ZNF862: variants seen among roughly 807,000 people sequenced by gnomAD.
The protein encoded by ZNF862 is zinc finger protein 862.
ZNF862 carries 64 observed loss-of-function variants against 91.1 expected under a neutral mutation model. The observed-to-expected ratio is 0.70, with a 90% CI of 0.57 to 0.87. The LOEUF (loss-of-function observed/expected upper bound fraction) is 0.87, where lower values mean the gene tolerates loss of function less well. Ranked by LOEUF, ZNF862 falls within the 40% of genes least tolerant of loss-of-function variation. The probability of loss-of-function intolerance (pLI) is 0.00; values close to 1 mark genes in which losing one functional copy is unlikely to be tolerated. For synonymous variants in ZNF862, 631 were observed against 618.1 expected, an observed-to-expected ratio of 1.02 and a Z score of -0.31; for missense variants, 1,459 against 1,528.0, an observed-to-expected ratio of 0.95 and a Z score of 0.75.
intron 3 of ZNF862, 67 bp from the exon 4 acceptor site, chr7:149,847,668 C>A: frequency 9.1e-7 from 1 of 1,098,978 alleles, no homozygotes; most frequent in South Asian, 1.6e-5. Context: ...ACCTCAGAGC[C>A]CCTGTGAGTT....
chr7:149,844,627 T>C lies in ZNF862; in HGVS notation c.27T>C (p.Ala9=). 6.3e-7 allele frequency: 1 copy of C among 1,593,144 alleles called. No homozygotes were observed. Among genetic ancestry groups the C allele is most frequent in the Non-Finnish European group, 8.6e-7 (1 of 1,168,544 alleles). Residue 9 remains alanine, a splice_region_variant and synonymous_variant, in exon 2 of 8, where the codon GCT becomes GCC. Transcript: ENST00000223210. The part of the protein sequence containing the change: MEPRESGK[A]PVTFDDITVY... ...AGCAGCTGTCATTTTCCTTTCAGGC[T>C]CCTGTGACGTTTGATGACATCACTG... is the stretch of plus-strand genomic sequence containing the variant.
In ZNF862 at chr7:149,859,362, G is replaced by C. The variant is rs1802372518; in HGVS notation, c.1118-60G>C. On this transcript the variant is annotated intron_variant, in intron 5 of 7. Transcript: ENST00000223210. ...ACTTCAGGGACTGGGTCTAGCTTGA[G>C]GGGGCTACTCGATTTGGCCACAGCA... 4 of 1,399,666 alleles carry C rather than the reference G, an allele frequency of 2.9e-6. No homozygotes were observed. The South Asian group carries it at 4.9e-5, about 17-fold the overall frequency. 86.7% of individuals were successfully genotyped at this position (1,399,666 alleles called of 1,614,324 possible). A position where few individuals can be genotyped will look rare whatever the true frequency, so the allele number is the denominator to read the frequency against.
At chr7:149,854,780 C>T (rs1006870937) in intron 5 of ZNF862, among the ~76,000 whole-genome samples, 1 of 152,236 alleles carries the variant, frequency 6.6e-6, no homozygotes, top group South Asian at 2.1e-4. Flanking sequence ...CCTGTGGCCC[C>T]CTCCGTGCTC....
chr7:149,847,469 C>G (rs1365771006), intron 3 of ZNF862, among the ~76,000 whole-genome samples: 1 of 152,186 alleles, frequency 6.6e-6, no homozygotes, highest in East Asian at 1.9e-4. Context: ...CCGGTTGTAT[C>G]TGTCCTTTAA....
In ZNF862 at chr7:149,844,919, T is replaced by C. The variant is rs189967573; in HGVS notation, c.136+183T>C. On this transcript the variant is annotated intron_variant, in intron 2 of 7. Transcript: ENST00000223210. The stretch of plus-strand genomic sequence containing the variant: ...GCATGCAAATTCACACATCACCCTT[T>C]CTCTTCTCCCCTTAAAATGGTCAAG... The C allele has an allele frequency of 3.0e-4, 168 of 558,992 alleles. 1 individual carries two copies. The highest frequency in any genetic ancestry group is 2.9e-3 in the African/African-American group (151 of 52,390). 34.6% of individuals were successfully genotyped at this position (558,992 alleles called of 1,614,324 possible).
At position 149,859,194 on chromosome 7, in the gene ZNF862, G is replaced by A. The variant is rs1011412939; in HGVS notation, c.1118-228G>A. 8 of 579,050 alleles carry A rather than the reference G, an allele frequency of 1.4e-5. No individual in the cohort carries two copies. The Admixed American group carries it at 1.8e-4, about 13-fold the overall frequency. 35.9% of individuals were successfully genotyped at this position (579,050 alleles called of 1,614,324 possible). On this transcript the variant is annotated intron_variant, in intron 5 of 7. Transcript: ENST00000223210. Reference sequence around the variant, plus strand: ...CACCCTTCCCCCTCTGGTGTGTATGGCTGGCCCATGGATCTGAGGAAGCCC... The same window carrying A: ...CACCCTTCCCCCTCTGGTGTGTATGACTGGCCCATGGATCTGAGGAAGCCC...
In ZNF862 at chr7:149,860,524, G is replaced by A; in HGVS notation, c.1364G>A (p.Arg455Lys). 1 of 1,613,992 alleles carries A rather than the reference G, an allele frequency of 6.2e-7. No individual in the cohort carries two copies. The highest frequency in any genetic ancestry group is 1.3e-5 in the African/African-American group (1 of 75,030). Residue 455 changes from arginine (R) to lysine (K), a missense_variant, in exon 7 of 8, where the codon AGA becomes AAA. By Grantham distance (26) the Arg-to-Lys change is conservative. Coordinates refer to ENST00000223210, the MANE Select transcript of ZNF862 (RefSeq NM_001099220.3). ...SICEEGDGPR[R>K]IKRTYRPRSI... ...TGTGAGGAAGGAGATGGACCTAGGA[G>A]AATCAAGAGGACATACAGGCCCCGT...
chr7:149,841,538 G>C, intron 1 of ZNF862: 1 of 985,308 alleles, frequency 1.0e-6, no homozygotes, highest in East Asian at 1.1e-4. Flanking sequence ...AGCAGTTCCT[G>C]GCATTTAATA....
rs768419444 is a variant in ZNF862, at chr7:149,861,702, C to G, written c.2542C>G (p.Leu848Val). 3.0e-5 allele frequency: 48 copies of G among 1,613,096 alleles called. No homozygotes were observed. Among genetic ancestry groups the G allele is most frequent in the Non-Finnish European group, 3.9e-5 (46 of 1,179,728 alleles). The change falls in exon 7 of 8, where the codon CTG (leucine) becomes GTG (valine). Residue 848 changes from leucine to valine, a missense_variant. Leu to Val is a conservative substitution (Grantham distance 32). Transcript: ENST00000223210. This position sits in a 1 kb window ranked among gnomAD's most constrained non-coding sequence, Gnocchi z 6.7. ...GTTCTGCCACTTCCTGTTGGACTTC[C>G]TGAGCATCTACAGGCCTCTGTCCGA... ...VKFCHFLLDF[L>V]SIYRPLSEVC...
Position 149,864,247 on chromosome 7 carries a change from A to G in ZNF862, c.3473A>G (p.Tyr1158Cys), listed in dbSNP as rs976983785. ...CIMEPPERLLYPHTSQEAPGM... is the reference protein window; with the variant it reads ...CIMEPPERLLCPHTSQEAPGM... Reference sequence around the variant, plus strand: ...ATGGAGCCTCCCGAGAGACTCCTGTATCCCCACACCAGCCAGGAGGCCCCC... The same window carrying G: ...ATGGAGCCTCCCGAGAGACTCCTGTGTCCCCACACCAGCCAGGAGGCCCCC... Residue 1158 changes from tyrosine (Y) to cysteine (C), a missense_variant, in exon 8 of 8, where the codon TAT (tyrosine) becomes TGT (cysteine). Coordinates refer to ENST00000223210, the MANE Select transcript of ZNF862 (RefSeq NM_001099220.3). 3 of 1,603,532 alleles carry G rather than the reference A, an allele frequency of 1.9e-6. No individual in the cohort carries two copies. The highest frequency in any genetic ancestry group is 2.6e-6 in the Non-Finnish European group (3 of 1,175,778).
chr7:149,862,194 G>A lies in ZNF862; in HGVS notation c.3034G>A (p.Ala1012Thr), dbSNP rs370946611. 4.3e-6 allele frequency: 7 copies of A among 1,613,432 alleles called. No homozygotes were observed. Among genetic ancestry groups the A allele is most frequent in the East Asian group, 2.2e-5 (1 of 44,884 alleles). The change falls in exon 7 of 8, where the codon GCC becomes ACC. Residue 1012 changes from alanine (A) to threonine (T), a missense_variant. Ala to Thr is a moderately conservative substitution (Grantham distance 58, BLOSUM62 0). Coordinates refer to ENST00000223210, the MANE Select transcript of ZNF862 (RefSeq NM_001099220.3). ...HLPFSMLCKN[A>T]LAQHCRFPLL... ...CCCGTTCTCCATGCTCTGCAAAAAC[G>A]CCCTGGCCCAGCACTGCCGCTTCCC...
chr7:149,860,750 C>T lies in ZNF862; in HGVS notation c.1590C>T (p.Asn530=). The T allele has an allele frequency of 1.9e-6, 3 of 1,613,896 alleles. No homozygotes were observed. The highest frequency in any genetic ancestry group is 2.5e-6 in the Non-Finnish European group (3 of 1,179,890). The change falls in exon 7 of 8, where the codon AAC becomes AAT. Residue 530 remains asparagine, a synonymous_variant. Coordinates refer to ENST00000223210, the MANE Select transcript of ZNF862 (RefSeq NM_001099220.3). ...EVSKAHRLCV[N]TVEIKEDTPH... ...GCAAAGCGCACAGGCTCTGTGTCAA[C>T]ACGGTTGAAATCAAGGAAGACACCC...
chr7:149,861,415 C>G lies in ZNF862; in HGVS notation c.2255C>G (p.Thr752Ser), dbSNP rs1304856062. The stretch of plus-strand genomic sequence containing the variant: ...AAGAAGTGTGACCGGCACATCCGCA[C>G]CGTCTTCAAGTTTTATCAGTCCTCA... ...LVKKCDRHIR[T>S]VFKFYQSSNK... The change falls in exon 7 of 8, where the codon ACC becomes AGC. Residue 752 changes from threonine (T) to serine (S), a missense_variant. Physicochemically the swap from Thr to Ser is moderately conservative, Grantham distance 58 (BLOSUM62 1). Coordinates refer to ENST00000223210, the MANE Select transcript of ZNF862 (RefSeq NM_001099220.3). The surrounding 1 kb of genome is among the most constrained non-coding windows in gnomAD (Gnocchi z 6.7). 6.2e-7 allele frequency: 1 copy of G among 1,613,182 alleles called. No homozygotes were observed. The highest frequency in any genetic ancestry group is 8.5e-7 in the Non-Finnish European group (1 of 1,179,906).
In ZNF862 at chr7:149,850,514, CCTT is replaced by C. The variant is rs1389185967; in HGVS notation, c.1117+179_1117+181del. The C allele has an allele frequency of 1.3e-5, 8 of 618,472 alleles. No individual in the cohort carries two copies. In the East Asian group the frequency reaches 1.7e-4, roughly 13 times the overall value. The allele number at this position is 618,472 out of a possible 1,614,324, so 38.3% of individuals were successfully genotyped here. A position where few individuals can be genotyped will look rare whatever the true frequency, so the allele number is the denominator to read the frequency against. ...TGCTTGGGGTAACTGTGCTTTATCA[CCTT>C]CTCATCCACCCACCTGTTCATCCAT... is the stretch of plus-strand genomic sequence containing the variant. On this transcript the variant is annotated intron_variant, in intron 5 of 7. Transcript: ENST00000223210. The surrounding 1 kb of genome is among the most constrained non-coding windows in gnomAD (Gnocchi z 4.2).
chr7:149,866,987 G>A lies in ZNF862; in HGVS notation c.*2703G>A, dbSNP rs1802753680. 6.6e-6 allele frequency: 1 copy of A among 152,206 alleles called. No homozygotes were observed. Among genetic ancestry groups the A allele is most frequent in the Non-Finnish European group, 1.5e-5 (1 of 68,056 alleles). 9.4% of individuals were successfully genotyped at this position (152,206 alleles called of 1,614,324 possible). On this transcript the variant is annotated 3_prime_UTR_variant, in exon 8 of 8. Transcript: ENST00000223210. ...CCACAGGGCTCTGGGAGGGGAAGAA[G>A]CATGCACTCCCGCTTTGGCTGGAGT...
intron 5 of ZNF862, among the ~76,000 whole-genome samples, chr7:149,856,849 G>A (rs575486483): frequency 1.3e-5 from 2 of 152,324 alleles, no homozygotes; most frequent in South Asian, 2.1e-4. Flanking sequence ...CCTTCTTTCT[G>A]TGACGCATCC....
intron 5 of ZNF862, chr7:149,852,056 A>T (rs146967587): frequency 3.3e-5 from 5 of 152,262 alleles, no homozygotes; most frequent in Non-Finnish European, 7.3e-5. Flanking sequence ...CATGTTTGAG[A>T]TATAGAAGCA....
At position 149,850,216 on chromosome 7, in the gene ZNF862, C is replaced by T. The variant is rs781243839; in HGVS notation, c.995C>T (p.Pro332Leu). ...GTTCCTGTGGTGTTTGAGGAGCTGC[C>T]GGTGGTGTTCGAGGATGTGGCAGTG... ...EEVPVVFEEL[P>L]VVFEDVAVYF... The change falls in exon 5 of 8, where the codon CCG (proline) becomes CTG (leucine). Residue 332 changes from proline (P) to leucine (L), a missense_variant. Transcript: ENST00000223210. The surrounding 1 kb of genome is among the most constrained non-coding windows in gnomAD (Gnocchi z 4.2). 1.0e-5 allele frequency: 16 copies of T among 1,604,400 alleles called. No homozygotes were observed. The highest frequency in any genetic ancestry group is 6.8e-5 in the East Asian group (3 of 44,438).
Position 149,861,581 on chromosome 7 carries a change from G to A in ZNF862, c.2421G>A (p.Leu807=), listed in dbSNP as rs369543846. The A allele has an allele frequency of 1.9e-6, 3 of 1,596,748 alleles. No individual in the cohort carries two copies. Among genetic ancestry groups the A allele is most frequent in the Non-Finnish European group, 1.7e-6 (2 of 1,173,768 alleles). ...CGCTGCTCGTGAGCTGGCCCGCCCT[G>A]GCCAGGCACCTCCAGAGGGTGGCAG... is the stretch of plus-strand genomic sequence containing the variant. ...LHALLVSWPA[L]ARHLQRVAEA... is the part of the protein sequence containing the mutation. Residue 807 remains leucine (L), a synonymous_variant, in exon 7 of 8, where the codon CTG becomes CTA. Coordinates refer to ENST00000223210, the MANE Select transcript of ZNF862 (RefSeq NM_001099220.3). This position sits in a 1 kb window ranked among gnomAD's most constrained non-coding sequence, Gnocchi z 6.7.
Sources: allele counts gnomAD v4.1 joint callset (sites outside exome capture counted in the v4.1 genomes callset), GRCh38; gene constraint gnomAD v4.1.1; non-coding constraint Gnocchi (gnomAD v3.1); transcripts MANE v1.5; gene names NCBI Gene and HGNC (gene_info 2026-07-23, HGNC 2026-07-21).